The following ZNF385D variants were observed in gnomAD, a reference collection of about 807,000 sequenced individuals.
ZNF385D encodes zinc finger protein 385D, also known as zinc finger protein 659.
Under a neutral mutation model 35.8 loss-of-function variants are expected in ZNF385D, and 15 were observed. The ratio of observed to expected loss-of-function variants is 0.42; its 90% CI spans 0.28 to 0.64. ZNF385D has a LOEUF of 0.64. ZNF385D is among the 30% of genes least tolerant of loss of function. The pLI, the probability that ZNF385D is intolerant of heterozygous loss-of-function variation, is 0.23. For missense variants in ZNF385D, 474 were observed against 494.6 expected (o/e 0.96, Z 0.39); for synonymous variants, 212 against 186.8 (o/e 1.13, Z -1.10).
intron 2 of ZNF385D, among the ~76,000 whole-genome samples, chr3:22,216,230 A>T (rs890126773): frequency 6.6e-6 from 1 of 151,922 alleles, no homozygotes; most frequent in African/African-American, 2.4e-5. Context: ...ACATTTTTAT[A>T]CTCAAATTTT....
intron 2 of ZNF385D, among the ~76,000 whole-genome samples, chr3:22,321,089 A>G (rs1410032836): frequency 1.3e-5 from 2 of 151,038 alleles, no homozygotes; most frequent in Non-Finnish European, 2.9e-5. Context: ...TCATTATTTA[A>G]TATCACACTT....
Position 21,841,921 on chromosome 3 carries a change from T to C in ZNF385D, c.326-176893A>G, listed in dbSNP as rs76089755. 1.4e-4 allele frequency among the ~76,000 whole-genome samples: 21 copies of C among 151,800 alleles called. No homozygotes were observed. In the East Asian group the frequency reaches 3.5e-3, roughly 25 times the overall value. On this transcript the variant is annotated intron_variant, in intron 3 of 5. Coordinates refer to the ZNF385D transcript ENST00000494108. Reference sequence around the variant, plus strand: ...TCAGAAATACATACATATATGTATATATACACATATATACATATATATACA... The same window carrying C: ...TCAGAAATACATACATATATGTATACATACACATATATACATATATATACA...
chr3:21,742,766 T>C (rs2069580153), intron 1 of ZNF385D, among the ~76,000 whole-genome samples: 2 of 152,192 alleles, frequency 1.3e-5, no homozygotes, highest in Admixed American at 1.3e-4. Context: ...ACTCTATGAA[T>C]TGTCTCACCA....
chr3:21,853,146 G>A (rs1217843341), intron 3 of ZNF385D, among the ~76,000 whole-genome samples: 1 of 150,138 alleles, frequency 6.7e-6, no homozygotes, highest in Non-Finnish European at 1.5e-5. Flanking sequence ...TTAGAGTAGG[G>A]TTTAAAAAAA....
intron 4 of ZNF385D, among the ~76,000 whole-genome samples, chr3:21,491,302 C>T (rs1705407193): frequency 6.6e-6 from 1 of 151,502 alleles, no homozygotes; most frequent in Non-Finnish European, 1.5e-5. Context: ...CTTCATCTGT[C>T]AAGTAACAAA....
intron 3 of ZNF385D, among the ~76,000 whole-genome samples, chr3:21,558,204 A>G (rs1357322458): frequency 6.7e-6 from 1 of 148,860 alleles, no homozygotes; most frequent in Non-Finnish European, 1.5e-5. Flanking sequence ...CTAGCTTTTA[A>G]TTTGTTTGCT....
At chr3:21,679,023 A>G (rs1575446547) in intron 1 of ZNF385D, among the ~76,000 whole-genome samples, 1 of 130,110 alleles carries the variant, frequency 7.7e-6, no homozygotes, top group Non-Finnish European at 1.6e-5. Flanking sequence ...AACCCCATCC[A>G]CTTAGCATGA....
chr3:22,238,528 T>A (rs575611085), intron 2 of ZNF385D, among the ~76,000 whole-genome samples: 1 of 151,088 alleles, frequency 6.6e-6, no homozygotes, highest in Non-Finnish European at 1.5e-5. Context: ...AGTTTTACAC[T>A]TATTTTGTTT....
chr3:22,083,315 C>T (rs1700855760), intron 3 of ZNF385D, among the ~76,000 whole-genome samples: 1 of 152,196 alleles, frequency 6.6e-6, no homozygotes, highest in African/African-American at 2.4e-5. Flanking sequence ...GAACCCATCG[C>T]AAGGAAGGTA....
intron 4 of ZNF385D, among the ~76,000 whole-genome samples, chr3:21,452,054 T>A (rs969046029): frequency 6.6e-6 from 1 of 152,082 alleles, no homozygotes; most frequent in African/African-American, 2.4e-5. Context: ...ATATATTCAA[T>A]TTTGGACTAA....
intron 3 of ZNF385D, among the ~76,000 whole-genome samples, chr3:21,758,295 C>G (rs1005267109): frequency 6.6e-6 from 1 of 152,140 alleles, no homozygotes; most frequent in African/African-American, 2.4e-5. Flanking sequence ...TAGAACATAG[C>G]AGAAATGCAT....
chr3:21,737,912 C>T (rs2069323873), intron 1 of ZNF385D, among the ~76,000 whole-genome samples: 1 of 152,200 alleles, frequency 6.6e-6, no homozygotes, highest in South Asian at 2.1e-4. Context: ...TAGCACATCT[C>T]CTAGCTCACA....
At position 22,004,075 on chromosome 3, in the gene ZNF385D, T is replaced by C. The variant is rs550066202; in HGVS notation, c.325+164742A>G. Among the ~76,000 whole-genome samples, 3 of 152,006 alleles carry C rather than the reference T, an allele frequency of 2.0e-5. No homozygotes were observed. In the South Asian group the frequency reaches 6.2e-4, roughly 32 times the overall value. ...ACCATATAACCAATGGAACAGAATA[T>C]ATAACCAAAGGAACAGAACCAATGA... On this transcript the variant is annotated intron_variant, in intron 3 of 5. Transcript: ENST00000494108.
chr3:21,549,665 T>C (rs2062501057), intron 3 of ZNF385D, among the ~76,000 whole-genome samples: 2 of 152,192 alleles, frequency 1.3e-5, no homozygotes, highest in African/African-American at 4.8e-5. Flanking sequence ...GATGTGTCTC[T>C]TCTTTCACAC....
chr3:21,690,786 A>G (rs1480850614), intron 1 of ZNF385D, among the ~76,000 whole-genome samples: 1 of 152,180 alleles, frequency 6.6e-6, no homozygotes, highest in Non-Finnish European at 1.5e-5. Flanking sequence ...AACTCTGAAT[A>G]TTAGGCCTAG....
intron 3 of ZNF385D, among the ~76,000 whole-genome samples, chr3:21,873,589 C>A (rs1435528044): frequency 6.6e-6 from 1 of 152,084 alleles, no homozygotes. Flanking sequence ...AGAACTTTTG[C>A]ATCCTGTGTG....
intron 3 of ZNF385D, among the ~76,000 whole-genome samples, chr3:21,972,009 T>A (rs1305811956): frequency 6.6e-6 from 1 of 151,914 alleles, no homozygotes; most frequent in Non-Finnish European, 1.5e-5. Flanking sequence ...ACAATAATAG[T>A]TGGAGACTTC....
chr3:21,843,622 C>T (rs1695817323), intron 3 of ZNF385D, among the ~76,000 whole-genome samples: 1 of 151,750 alleles, frequency 6.6e-6, no homozygotes, highest in Non-Finnish European at 1.5e-5. Flanking sequence ...CTAGGCACTT[C>T]AAGAATACAA....
chr3:21,533,742 A>G (rs1328177661), intron 3 of ZNF385D, among the ~76,000 whole-genome samples: 2 of 152,144 alleles, frequency 1.3e-5, no homozygotes, highest in African/African-American at 2.4e-5. Context: ...ATTAATTTAT[A>G]CCATCTATCT....
Sources: gnomAD v4.1 joint callset for allele counts (sites outside exome capture counted in the v4.1 genomes callset) on GRCh38, gnomAD v4.1.1 for gene constraint, MANE v1.5 for transcripts, NCBI Gene and HGNC (gene_info 2026-07-23, HGNC 2026-07-21) for gene names.